Variants in SLC30A9 observed in about 807,000 individuals in gnomAD.
SLC30A9 encodes solute carrier family 30 member 9.
Under a neutral mutation model 87.5 loss-of-function variants are expected in SLC30A9, and 58 were observed. The observed-to-expected ratio is 0.66, with a 90% CI of 0.54 to 0.82. SLC30A9 has a LOEUF of 0.82. Among genes scored for constraint, SLC30A9 ranks in the 40% least tolerant of loss-of-function variants. The pLI, the probability that SLC30A9 is intolerant of heterozygous loss-of-function variation, is 0.00. For synonymous variants in SLC30A9, 234 were observed against 233.0 expected (o/e 1.00, Z -0.04); for missense variants, 557 against 679.1 (o/e 0.82, Z 2.00).
chr4:42,049,140 A>T (rs1269693920), intron 8 of SLC30A9, among the ~76,000 whole-genome samples: 4 of 151,922 alleles, frequency 2.6e-5, no homozygotes, highest in East Asian at 1.9e-4. Flanking sequence ...TTTTTAAAAA[A>T]TTTTTTGTAG....
intron 8 of SLC30A9, among the ~76,000 whole-genome samples, chr4:42,044,491 G>T (rs1717061055): frequency 6.6e-6 from 1 of 151,874 alleles, no homozygotes; most frequent in Admixed American, 6.6e-5. Flanking sequence ...AGTGGTAAAG[G>T]GATCAATGCA....
chr4:41,997,741 T>C (rs1280499235), intron 1 of SLC30A9, among the ~76,000 whole-genome samples: 1 of 152,234 alleles, frequency 6.6e-6, no homozygotes, highest in African/African-American at 2.4e-5. Context: ...ATCTTTGCAT[T>C]CTATATTATG....
chr4:42,012,720 A>G (rs1214046601), intron 2 of SLC30A9, among the ~76,000 whole-genome samples: 1 of 152,172 alleles, frequency 6.6e-6, no homozygotes, highest in Non-Finnish European at 1.5e-5. Context: ...TCCATTAACC[A>G]TCTTCATCTC....
At chr4:42,058,616 TA>T (rs1379745875) in intron 9 of SLC30A9, among the ~76,000 whole-genome samples, 1 of 152,220 alleles carries the variant, frequency 6.6e-6, no homozygotes, top group African/African-American at 2.4e-5. Flanking sequence ...AAAGGAGGTT[TA>T]ATGGACTTAC....
Position 42,066,564 on chromosome 4 carries a change from G to A in SLC30A9, c.1087G>A (p.Ala363Thr). Residue 363 changes from alanine to threonine, a missense_variant, in exon 13 of 18, where the codon GCT (alanine) becomes ACT (threonine). Coordinates refer to ENST00000264451, the MANE Select transcript of SLC30A9 (RefSeq NM_006345.4). The stretch of plus-strand genomic sequence containing the variant: ...TTTTCTTTTAGCAACACTTCTTGTT[G>A]CTGTAAATGAACTTCGTAGGAATGC... ...LVSEGATLLV[A>T]VNELRRNARA... The A allele has an allele frequency of 6.2e-7, 1 of 1,602,502 alleles. No individual in the cohort carries two copies. Among genetic ancestry groups the A allele is most frequent in the Non-Finnish European group, 8.5e-7 (1 of 1,172,858 alleles).
chr4:42,050,424 C>T (rs549114150), intron 9 of SLC30A9, among the ~76,000 whole-genome samples: 1 of 152,088 alleles, frequency 6.6e-6, no homozygotes, highest in African/African-American at 2.4e-5. Flanking sequence ...GTAAGCTTAT[C>T]GAGGAAAGTT....
intron 6 of SLC30A9, chr4:42,029,199 C>T (rs3827588): frequency 0.74 from 287,099 of 389,286 alleles, 112,152 homozygotes; most frequent in East Asian, 0.97. Flanking sequence ...GCTGCTGACC[C>T]GCTGTTGCCA....
At chr4:42,045,721 A>G (rs1429375730) in intron 8 of SLC30A9, among the ~76,000 whole-genome samples, 1 of 152,188 alleles carries the variant, frequency 6.6e-6, no homozygotes, top group Non-Finnish European at 1.5e-5. Flanking sequence ...AACTCGTTTT[A>G]TGAGGCCAGC....
At chr4:42,065,246 T>G (rs531791225) in intron 11 of SLC30A9, 64 bp from the exon 12 acceptor site, 2 of 863,658 alleles carry the variant, frequency 2.3e-6, no homozygotes, top group East Asian at 4.9e-5. Context: ...TTACGGACTT[T>G]ATATATGAAC....
intron 14 of SLC30A9, among the ~76,000 whole-genome samples, chr4:42,069,804 T>C (rs937952119): frequency 3.9e-5 from 6 of 152,150 alleles, no homozygotes; most frequent in Admixed American, 6.5e-5. Context: ...CTAAGGCAAA[T>C]ATTAGAATCA....
chr4:42,042,083 G>A (rs796337980), intron 8 of SLC30A9, among the ~76,000 whole-genome samples: 7 of 152,268 alleles, frequency 4.6e-5, no homozygotes, highest in Admixed American at 1.3e-4. Context: ...AGATTCCCTC[G>A]GGTGCCTACA....
rs112141999 is a variant in SLC30A9 at position 42,004,363 on chromosome 4, T to A, written c.274+2583T>A. 2.5e-3 allele frequency among the ~76,000 whole-genome samples: 385 copies of A among 152,330 alleles called. 1 individual carries two copies. Among genetic ancestry groups the A allele is most frequent in the African/African-American group, 8.9e-3 (369 of 41,592 alleles). ...CTGGATCTGAGGATTGATATTTTTCTACAGTTCTGGAATTCTACAATTCTC... is the reference window on the plus strand; with the variant it reads ...CTGGATCTGAGGATTGATATTTTTCAACAGTTCTGGAATTCTACAATTCTC... On this transcript the variant is annotated intron_variant, in intron 2 of 17. Transcript: ENST00000264451.
Position 42,070,526 on chromosome 4 carries a change from G to A in SLC30A9, c.1253G>A (p.Gly418Asp). The A allele has an allele frequency of 6.2e-7, 1 of 1,608,182 alleles. No individual in the cohort carries two copies. Among genetic ancestry groups the A allele is most frequent in the South Asian group, 1.1e-5 (1 of 90,098 alleles). Residue 418 changes from glycine (G) to aspartate (D), a missense_variant and splice_region_variant, in exon 15 of 18, where the codon GGC (glycine) becomes GAC (aspartate). By Grantham distance (94) the Gly-to-Asp change is moderately conservative. This residue lies in a region of SLC30A9 where 467 missense variants were observed against 529.8 expected (regional missense o/e 0.88). Transcript: ENST00000264451. The part of the protein sequence containing the change: ...ATCMGLTSIT[G>D]NPLYDSLGSL... ...TGATTTTTTTATGTGCTTCATTTAGGCAATCCACTGTATGACAGCCTAGGT... is the reference window on the plus strand; with the variant it reads ...TGATTTTTTTATGTGCTTCATTTAGACAATCCACTGTATGACAGCCTAGGT...
Position 42,035,275 on chromosome 4 carries a change from G to A in SLC30A9, c.611G>A (p.Arg204Lys), listed in dbSNP as rs142007432. Reference protein sequence around the residue: ...RKEAEIEYRERLFRNQKILRE... With the variant: ...RKEAEIEYREKLFRNQKILRE... ...TAAATTTATTTTGTTATTCTTACAG[G>A]GCTATTTAGAAACCAAAAAATATTA... Residue 204 changes from arginine (R) to lysine (K), a missense_variant and splice_region_variant, in exon 7 of 18, where the codon AGG becomes AAG. Transcript: ENST00000264451. 5 of 1,596,424 alleles carry A rather than the reference G, an allele frequency of 3.1e-6. No individual in the cohort carries two copies. Among genetic ancestry groups the A allele is most frequent in the Non-Finnish European group, 4.3e-6 (5 of 1,166,812 alleles).
At chr4:42,017,977 T>C (rs1715791241) in intron 2 of SLC30A9, 134 bp from the exon 3 acceptor site, 1 of 567,928 alleles carries the variant, frequency 1.8e-6, no homozygotes, top group Non-Finnish European at 3.2e-6. Flanking sequence ...TCTTACATTC[T>C]TAAGATGAAT....
chr4:42,065,249 A>G (rs1232139529), intron 11 of SLC30A9, 61 bp from the exon 12 acceptor site: 5 of 870,594 alleles, frequency 5.7e-6, no homozygotes, highest in South Asian at 1.3e-5. Context: ...CGGACTTTAT[A>G]TATGAACAAT....
At chr4:42,019,245 A>C (rs1715841421) in intron 3 of SLC30A9, among the ~76,000 whole-genome samples, 2 of 152,328 alleles carry the variant, frequency 1.3e-5, no homozygotes, top group African/African-American at 4.8e-5. Flanking sequence ...ACAATTCGAA[A>C]TAGAACACAT....
At chr4:42,006,458 G>A (rs537148564) in intron 2 of SLC30A9, among the ~76,000 whole-genome samples, 47 of 152,302 alleles carry the variant, frequency 3.1e-4, no homozygotes, top group Non-Finnish European at 6.3e-4. Context: ...GAGACCAAGT[G>A]TGTGGATCAC....
At chr4:41,997,705 T>C (rs1381055417) in intron 1 of SLC30A9, among the ~76,000 whole-genome samples, 3 of 152,226 alleles carry the variant, frequency 2.0e-5, no homozygotes, top group Non-Finnish European at 4.4e-5. Context: ...TGTTTTTTCC[T>C]GTGATAAATA....
Sources: gnomAD v4.1 joint callset for allele counts (sites outside exome capture counted in the v4.1 genomes callset) on GRCh38, gnomAD v4.1.1 for gene constraint, gnomAD v4.1.1 regional missense constraint, MANE v1.5 for transcripts, NCBI Gene and HGNC (gene_info 2026-07-23, HGNC 2026-07-21) for gene names.